The following UBN1 variants were observed in gnomAD, a reference collection of about 807,000 sequenced individuals.
UBN1 encodes ubinuclein 1.
Under a neutral mutation model 108.5 loss-of-function variants are expected in UBN1, and 17 were observed. That is an observed-to-expected ratio of 0.16 (90% CI 0.11 to 0.24). UBN1 has a LOEUF of 0.24. Among genes scored for constraint, UBN1 ranks in the 10% least tolerant of loss-of-function variants. The probability of loss-of-function intolerance (pLI) is 1.00; values close to 1 mark genes in which losing one functional copy is unlikely to be tolerated. For synonymous variants in UBN1, 726 were observed against 564.2 expected, an observed-to-expected ratio of 1.29 and a Z score of -4.07; for missense variants, 1,595 against 1,394.4, an observed-to-expected ratio of 1.14 and a Z score of -2.29.
intron 2 of UBN1, 74 bp downstream of exon 2, chr16:4,853,240 A>C (rs1049488757): frequency 1.9e-6 from 3 of 1,550,440 alleles, no homozygotes; most frequent in African/African-American, 2.7e-5. Flanking sequence ...GGGCTTCCGT[A>C]GCGGGGAAGC....
Position 4,880,210 on chromosome 16 carries a change from G to A in UBN1, c.*78G>A. ...AGGTCTCCCAGGATGTACACTCACT[G>A]CGCCCTTTCTGCTGCTTGGTGTTCT... On this transcript the variant is annotated 3_prime_UTR_variant, in exon 18 of 18. Coordinates refer to ENST00000262376, the MANE Select transcript of UBN1 (RefSeq NM_001079514.3). 1 of 1,486,406 alleles carries A rather than the reference G, an allele frequency of 6.7e-7. No homozygotes were observed. The highest frequency in any genetic ancestry group is 9.4e-7 in the Non-Finnish European group (1 of 1,064,986). The allele number at this position is 1,486,406 out of a possible 1,614,324, so 92.1% of individuals were successfully genotyped here.
At chr16:4,858,701 T>A (rs760118065) in intron 4 of UBN1, 38 bp downstream of exon 4, 38 of 1,590,250 alleles carry the variant, frequency 2.4e-5, no homozygotes, top group Non-Finnish European at 3.3e-5. Flanking sequence ...AGACCCACTG[T>A]ACCTGTAGCT....
chr16:4,869,933 T>C (rs1004907955), intron 8 of UBN1, among the ~76,000 whole-genome samples: 30 of 152,210 alleles, frequency 2.0e-4, no homozygotes, highest in African/African-American at 6.8e-4. Flanking sequence ...CTATGAAATT[T>C]AGTGCTTCAG....
At position 4,852,923 on chromosome 16, in the gene UBN1, G is replaced by C; in HGVS notation, c.6G>C (p.Ser2=). 1 of 1,612,998 alleles carries C rather than the reference G, an allele frequency of 6.2e-7. No individual in the cohort carries two copies. The highest frequency in any genetic ancestry group is 8.5e-7 in the Non-Finnish European group (1 of 1,179,184). The change falls in exon 2 of 18, where the codon TCG becomes TCC. Residue 2 remains serine (S), a synonymous_variant. Coordinates refer to ENST00000262376, the MANE Select transcript of UBN1 (RefSeq NM_001079514.3). ...GCTAAGACTTGTTGGTAGCCATGTC[G>C]GAGCCCCACAGGGTCCAGTTCACCT... is the stretch of plus-strand genomic sequence containing the variant. M[S]EPHRVQFTSL...
At chr16:4,864,383 T>TA (rs2087221726) in intron 7 of UBN1, among the ~76,000 whole-genome samples, 1 of 152,214 alleles carries the variant, frequency 6.6e-6, no homozygotes, top group Non-Finnish European at 1.5e-5. Context: ...CTTAAAACTT[T>TA]AAAAAATGTC....
chr16:4,864,075 C>CTTTTTTTTT (rs796516323), intron 7 of UBN1, among the ~76,000 whole-genome samples: 1 of 86,430 alleles, frequency 1.2e-5, no homozygotes, highest in Non-Finnish European at 2.1e-5. Context: ...TTGTTGTTGC[C>CTTTTTTTTT]TTTTTTTTTT....
At chr16:4,851,322 C>T (rs1374491735) in intron 1 of UBN1, among the ~76,000 whole-genome samples, 6 of 152,112 alleles carry the variant, frequency 3.9e-5, no homozygotes, top group Admixed American at 3.3e-4. Context: ...AAAATTAGCA[C>T]GCCTGTAGTT....
intron 1 of UBN1, among the ~76,000 whole-genome samples, chr16:4,849,954 A>AAAAAAAAAAC (rs2086470142): frequency 2.7e-5 from 4 of 149,482 alleles, no homozygotes; most frequent in African/African-American, 7.5e-5. Flanking sequence ...TCTCACAAAA[A>AAAAAAAAAAC]AAAAAAAAAA....
chr16:4,857,268 C>A (rs573756527), intron 2 of UBN1, among the ~76,000 whole-genome samples: 58 of 151,358 alleles, frequency 3.8e-4, no homozygotes, highest in African/African-American at 1.3e-3. Flanking sequence ...GAGGATCACC[C>A]GAGCCTGGGG....
In UBN1 at chr16:4,881,870, T is replaced by G. The variant is rs1035478242; in HGVS notation, c.*1738T>G. 2.6e-5 allele frequency: 4 copies of G among 152,290 alleles called. No individual in the cohort carries two copies. The highest frequency in any genetic ancestry group is 9.7e-5 in the African/African-American group (4 of 41,312). 9.4% of individuals were successfully genotyped at this position (152,290 alleles called of 1,614,324 possible). Reference sequence around the variant, plus strand: ...CCAAGCAGAGGCCGGCAGTGGAGGCTGAGCAGGGACTCTCCAGGCTTCTCT... The same window carrying G: ...CCAAGCAGAGGCCGGCAGTGGAGGCGGAGCAGGGACTCTCCAGGCTTCTCT... On this transcript the variant is annotated 3_prime_UTR_variant, in exon 18 of 18. Coordinates refer to ENST00000262376, the MANE Select transcript of UBN1 (RefSeq NM_001079514.3).
At chr16:4,854,319 C>T (rs1172423656) in intron 2 of UBN1, among the ~76,000 whole-genome samples, 2 of 147,524 alleles carry the variant, frequency 1.4e-5, no homozygotes, top group Non-Finnish European at 1.5e-5. Context: ...AGGCATGAGC[C>T]ACAGCACCTG....
chr16:4,855,638 G>A (rs535406607), intron 2 of UBN1, among the ~76,000 whole-genome samples: 2 of 149,390 alleles, frequency 1.3e-5, no homozygotes, highest in African/African-American at 4.9e-5. Context: ...AGGCTGGAAG[G>A]CCTGGCGCAG....
intron 7 of UBN1, among the ~76,000 whole-genome samples, chr16:4,864,927 A>G (rs1241362351): frequency 6.6e-6 from 1 of 152,246 alleles, no homozygotes; most frequent in Admixed American, 6.5e-5. Flanking sequence ...ATTTTCTCCT[A>G]CTCAGCAAAA....
In UBN1 at chr16:4,877,401, G is replaced by T. The variant is rs367848284; in HGVS notation, c.3282G>T (p.Leu1094Phe). 6.2e-7 allele frequency: 1 copy of T among 1,611,524 alleles called. No individual in the cohort carries two copies. The highest frequency in any genetic ancestry group is 1.7e-4 in the Middle Eastern group (1 of 6,060). ...HGLGHSLLAG[L>F]HSSPPHAAPL... ...TTCTCTCAGGTCTTCTGGCTGGCTT[G>T]CACTCCAGCCCGCCCCATGCAGCGC... Residue 1094 changes from leucine to phenylalanine, a missense_variant, in exon 17 of 18, where the codon TTG becomes TTT. Leu to Phe is a conservative substitution (Grantham distance 22, BLOSUM62 0). Around this residue, in one of 3 missense-constraint regions of UBN1, gnomAD observed 1,398 missense variants for 1,194.7 expected, o/e 1.17. Transcript: ENST00000262376. This position sits in a 1 kb window ranked among gnomAD's most constrained non-coding sequence, Gnocchi z 4.3.
At chr16:4,879,393 C>A (rs759455674) in intron 17 of UBN1, among the ~76,000 whole-genome samples, 4 of 152,048 alleles carry the variant, frequency 2.6e-5, no homozygotes, top group African/African-American at 4.8e-5. Flanking sequence ...GTGCTGTGAT[C>A]ATGCTTGTGA....
intron 10 of UBN1, 25 bp from the exon 11 acceptor site, chr16:4,870,819 C>A: frequency 6.2e-7 from 1 of 1,612,802 alleles, no homozygotes; most frequent in Non-Finnish European, 8.5e-7. Context: ...CCTTGGGGCC[C>A]CATGTAATTC....
At position 4,877,553 on chromosome 16, in the gene UBN1, A is replaced by G. The variant is rs1444737400; in HGVS notation, c.3355+79A>G. On this transcript the variant is annotated intron_variant, in intron 17 of 17. Coordinates refer to ENST00000262376, the MANE Select transcript of UBN1 (RefSeq NM_001079514.3). The surrounding 1 kb of genome is among the most constrained non-coding windows in gnomAD (Gnocchi z 4.3). ...ACCCCTAGGTGCTTTGCCGCTGCCA[A>G]GGGTCTTGGTGTCTTTGCCTTGACG... 2.7e-6 allele frequency: 4 copies of G among 1,496,218 alleles called. No homozygotes were observed. Among genetic ancestry groups the G allele is most frequent in the Non-Finnish European group, 2.7e-6 (3 of 1,126,438 alleles). 92.7% of individuals were successfully genotyped at this position (1,496,218 alleles called of 1,614,324 possible).
At chr16:4,873,496 A>G (rs75184911) in intron 14 of UBN1, among the ~76,000 whole-genome samples, 9 of 152,226 alleles carry the variant, frequency 5.9e-5, no homozygotes, top group African/African-American at 2.2e-4. Context: ...TAGTGGCTGG[A>G]GAATAGACAC....
chr16:4,865,492 G>C (rs139653645), intron 7 of UBN1, among the ~76,000 whole-genome samples: 9 of 151,944 alleles, frequency 5.9e-5, no homozygotes, highest in Non-Finnish European at 1.3e-4. Flanking sequence ...ACCAGCCTGG[G>C]TAACAGAGTG....
Sources: allele counts gnomAD v4.1 joint callset (sites outside exome capture counted in the v4.1 genomes callset), GRCh38; gene constraint gnomAD v4.1.1; regional missense constraint gnomAD v4.1.1; non-coding constraint Gnocchi (gnomAD v3.1); transcripts MANE v1.5; gene names NCBI Gene and HGNC (gene_info 2026-07-23, HGNC 2026-07-21).